Variants in PCDHGB2 observed in about 807,000 individuals in gnomAD.
The protein encoded by PCDHGB2 is protocadherin gamma-B2.
PCDHGB2 carries 55 observed loss-of-function variants against 59.3 expected under a neutral mutation model. The ratio of observed to expected loss-of-function variants is 0.93; its 90% CI spans 0.75 to 1.16. The LOEUF (loss-of-function observed/expected upper bound fraction) is 1.16, where lower values mean the gene tolerates loss of function less well. Ranked by LOEUF, PCDHGB2 falls within the 50% of genes most tolerant of loss-of-function variation. PCDHGB2 has a pLI of 0.00. For synonymous variants in PCDHGB2, 516 were observed against 512.0 expected (o/e 1.01, Z -0.11); for missense variants, 1,228 against 1,198.5 (o/e 1.02, Z -0.36).
rs1296142784 is a variant in PCDHGB2 at position 141,431,302 on chromosome 5, C to T, written c.2422-63505C>T. ...GCCCGAACACTCACTTCTCCCTCAT[C>T]GTGCAAAATGGAGCCGACGGTAGTA... is the stretch of plus-strand genomic sequence containing the variant. On this transcript the variant is annotated intron_variant, in intron 1 of 3. Coordinates refer to ENST00000522605, the MANE Select transcript of PCDHGB2 (RefSeq NM_018923.3). This position sits in a 1 kb window ranked among gnomAD's most constrained non-coding sequence, Gnocchi z 4.8. 2 of 1,614,028 alleles carry T rather than the reference C, an allele frequency of 1.2e-6. No individual in the cohort carries two copies. Among genetic ancestry groups the T allele is most frequent in the African/African-American group, 1.3e-5 (1 of 74,946 alleles).
chr5:141,371,226 A>G (rs772683388), intron 1 of PCDHGB2: 7 of 1,614,072 alleles, frequency 4.3e-6, no homozygotes, highest in Non-Finnish European at 5.9e-6. Flanking sequence ...TGCCGAAATC[A>G]TCTATGCCTT....
chr5:141,462,599 T>TGG (rs2099043404), intron 1 of PCDHGB2, among the ~76,000 whole-genome samples: 1 of 152,208 alleles, frequency 6.6e-6, no homozygotes, highest in African/African-American at 2.4e-5. Context: ...CCATTTCATA[T>TGG]ATTGTATTTT....
At chr5:141,381,441 G>A (rs1777194515) in intron 1 of PCDHGB2, among the ~76,000 whole-genome samples, 1 of 152,202 alleles carries the variant, frequency 6.6e-6, no homozygotes, top group Admixed American at 6.5e-5. Flanking sequence ...ATCCTGTCAG[G>A]ACAGTCCTGC....
At chr5:141,403,218 G>A in intron 1 of PCDHGB2, 1 of 1,613,968 alleles carries the variant, frequency 6.2e-7, no homozygotes. Flanking sequence ...ACCGCGGGTA[G>A]GATAGACCGG....
chr5:141,366,780 C>G (rs1764797585), intron 1 of PCDHGB2: 1 of 1,584,650 alleles, frequency 6.3e-7, no homozygotes, highest in African/African-American at 1.4e-5. Flanking sequence ...TAAGGATGAC[C>G]AGAACATTTT....
At chr5:141,419,439 C>G (rs375537017) in intron 1 of PCDHGB2, 1 of 1,613,154 alleles carries the variant, frequency 6.2e-7, no homozygotes, top group Non-Finnish European at 8.5e-7. Context: ...CAGCTGCGCA[C>G]CTTCGAGCTC....
rs777535962 is a variant in PCDHGB2, at chr5:141,431,195, G to T, written c.2422-63612G>T. The T allele has an allele frequency of 1.2e-6, 2 of 1,614,166 alleles. No homozygotes were observed. Among genetic ancestry groups the T allele is most frequent in the East Asian group, 2.2e-5 (1 of 44,890 alleles). On this transcript the variant is annotated intron_variant, in intron 1 of 3. Transcript: ENST00000522605. The surrounding 1 kb of genome is among the most constrained non-coding windows in gnomAD (Gnocchi z 4.8). ...ATTAGAAATAAAAATTAGTGAAAAT[G>T]CAGCCACTGAGATGCGGTTCCCTCT... is the stretch of plus-strand genomic sequence containing the variant.
At chr5:141,364,725 G>T (rs775854228) in intron 1 of PCDHGB2, 4 of 1,613,828 alleles carry the variant, frequency 2.5e-6, no homozygotes, top group African/African-American at 1.3e-5. Context: ...AACTTCCCGC[G>T]TTTCCGGGAT....
At chr5:141,400,560 C>CGTAA in intron 1 of PCDHGB2, 5 of 1,613,248 alleles carry the variant, frequency 3.1e-6, no homozygotes, top group Non-Finnish European at 3.4e-6. Flanking sequence ...TTTCATTACC[C>CGTAA]ACCCAATTTT....
At chr5:141,409,520 T>TTG (rs767613304) in intron 1 of PCDHGB2, 2 of 1,613,966 alleles carry the variant, frequency 1.2e-6, no homozygotes, top group East Asian at 4.5e-5. Flanking sequence ...AAGCATCACC[T>TTG]TGTATGTCGC....
chr5:141,482,998 T>C (rs1458221945), intron 1 of PCDHGB2, among the ~76,000 whole-genome samples: 1 of 152,008 alleles, frequency 6.6e-6, no homozygotes, highest in Non-Finnish European at 1.5e-5. Flanking sequence ...GGCAGGAGAA[T>C]TGCTTGAACC....
In PCDHGB2 at chr5:141,360,850, C is replaced by T. The variant is rs762068366; in HGVS notation, c.715C>T (p.Pro239Ser). ...RIKVTDANDNPPVFSQDVYRV... is the reference protein window; with the variant it reads ...RIKVTDANDNSPVFSQDVYRV... The stretch of plus-strand genomic sequence containing the variant: ...CAAAGTCACGGATGCCAACGATAAC[C>T]CTCCAGTGTTCAGCCAGGACGTGTA... The change falls in exon 1 of 4, where the codon CCT (proline) becomes TCT (serine). Residue 239 changes from proline (P) to serine (S), a missense_variant. Physicochemically the swap from Pro to Ser is moderately conservative, Grantham distance 74. Transcript: ENST00000522605. The T allele has an allele frequency of 2.5e-6, 4 of 1,613,866 alleles. No individual in the cohort carries two copies. The highest frequency in any genetic ancestry group is 2.2e-5 in the East Asian group (1 of 44,894).
At position 141,362,530 on chromosome 5, in the gene PCDHGB2, C is replaced by T. The variant is rs769795967; in HGVS notation, c.2395C>T (p.Pro799Ser). 70 of 1,613,818 alleles carry T rather than the reference C, an allele frequency of 4.3e-5. 1 individual carries two copies. The highest frequency in any genetic ancestry group is 8.3e-5 in the Admixed American group (5 of 59,998). Reference protein sequence around the residue: ...QNTNHGAAGVPFASDTILKQA... With the variant: ...QNTNHGAAGVSFASDTILKQA... Reference sequence around the variant, plus strand: ...TACAAATCATGGAGCCGCTGGGGTCCCTTTTGCCTCAGATACTATTTTGAA... The same window carrying T: ...TACAAATCATGGAGCCGCTGGGGTCTCTTTTGCCTCAGATACTATTTTGAA... Residue 799 changes from proline (P) to serine (S), a missense_variant, in exon 1 of 4, where the codon CCT becomes TCT. Coordinates refer to ENST00000522605, the MANE Select transcript of PCDHGB2 (RefSeq NM_018923.3).
At chr5:141,408,214 C>CT (rs1471079476) in intron 1 of PCDHGB2, 1 of 1,555,074 alleles carries the variant, frequency 6.4e-7, no homozygotes. Flanking sequence ...TGGGAGGGAG[C>CT]TGCGCGCAGA....
At chr5:141,419,170 C>T (rs758796140) in intron 1 of PCDHGB2, 4 of 1,613,966 alleles carry the variant, frequency 2.5e-6, no homozygotes, top group Non-Finnish European at 3.4e-6. Context: ...CCAGCAAAAC[C>T]ATAACCCTGC....
chr5:141,390,518 T>C (rs1045172175), intron 1 of PCDHGB2: 28 of 570,804 alleles, frequency 4.9e-5, no homozygotes, highest in Middle Eastern at 4.8e-4. Context: ...TATAAAGCAA[T>C]GAGGGTGTGG....
chr5:141,366,934 G>A, intron 1 of PCDHGB2: 1 of 893,774 alleles, frequency 1.1e-6, no homozygotes, highest in Non-Finnish European at 1.6e-6. Flanking sequence ...GTTTTGGGAA[G>A]TCTAGCTGAT....
chr5:141,494,785 T>G, intron 1 of PCDHGB2, 22 bp from the exon 2 acceptor site: 1 of 1,614,016 alleles, frequency 6.2e-7, no homozygotes, highest in Non-Finnish European at 8.5e-7. Flanking sequence ...ACTCAGCCCC[T>G]TTCCCTCTGT....
At chr5:141,464,327 C>G (rs893319708) in intron 1 of PCDHGB2, among the ~76,000 whole-genome samples, 15 of 150,890 alleles carry the variant, frequency 9.9e-5, no homozygotes, top group African/African-American at 3.7e-4. Flanking sequence ...TCTGTTCAAC[C>G]CATCTATGAC....
Sources: allele counts gnomAD v4.1 joint callset (sites outside exome capture counted in the v4.1 genomes callset), GRCh38; gene constraint gnomAD v4.1.1; non-coding constraint Gnocchi (gnomAD v3.1); transcripts MANE v1.5; gene names NCBI Gene and HGNC (gene_info 2026-07-23, HGNC 2026-07-21).